The following GALNT17 variants were observed in gnomAD, a reference collection of about 807,000 sequenced individuals.
The protein encoded by GALNT17 is UDP-GalNAc:polypeptide N-acetylgalactosaminyltransferase-like 3.
A neutral mutation model predicts 63.7 loss-of-function variants in GALNT17; 29 were observed. That is an observed-to-expected ratio of 0.46 (90% confidence interval 0.34 to 0.62). GALNT17 has a LOEUF of 0.62. Among genes scored for constraint, GALNT17 ranks in the 20% least tolerant of loss-of-function variants. The pLI is 0.01. For missense variants in GALNT17, 603 were observed against 799.6 expected (o/e 0.75, Z 2.97); for synonymous variants, 305 against 318.3 (o/e 0.96, Z 0.45).
At chr7:71,143,806 A>G (rs966335584) in intron 1 of GALNT17, among the ~76,000 whole-genome samples, 1 of 151,818 alleles carries the variant, frequency 6.6e-6, no homozygotes, top group Non-Finnish European at 1.5e-5. Flanking sequence ...TCGTGAGGCT[A>G]AGGTGGGAGG....
At chr7:71,699,694 G>A (rs1166257241) in intron 9 of GALNT17, among the ~76,000 whole-genome samples, 1 of 152,142 alleles carries the variant, frequency 6.6e-6, no homozygotes. Context: ...AACACTTTGA[G>A]ATGCTGAAAT....
rs137863489 is a variant in GALNT17 at position 71,279,301 on chromosome 7, A to G, written c.239-56249A>G. 3.0e-3 allele frequency among the ~76,000 whole-genome samples: 456 copies of G among 152,148 alleles called. 1 individual carries two copies. The highest frequency in any genetic ancestry group is 5.2e-3 in the Non-Finnish European group (357 of 68,010). ...GAAGAAGTGTTGAGCAAAAGGGGGA[A>G]AACCTCTTATAAAAGCATCAGATCT... On this transcript the variant is annotated intron_variant, in intron 1 of 10. Transcript: ENST00000333538.
At chr7:71,337,416 C>T (rs560111534) in intron 2 of GALNT17, among the ~76,000 whole-genome samples, 6 of 152,164 alleles carry the variant, frequency 3.9e-5, no homozygotes, top group African/African-American at 9.6e-5. Context: ...ATTCTTGATA[C>T]GTATTATAAT....
chr7:71,556,955 T>C (rs1789173965), intron 5 of GALNT17, among the ~76,000 whole-genome samples: 1 of 151,706 alleles, frequency 6.6e-6, no homozygotes, highest in African/African-American at 2.4e-5. Flanking sequence ...CGGTTCTTTC[T>C]CTGTGGCCCA....
chr7:71,575,683 C>T (rs561529458), intron 6 of GALNT17, among the ~76,000 whole-genome samples: 37 of 152,144 alleles, frequency 2.4e-4, no homozygotes, highest in South Asian at 1.5e-3. Context: ...CCACCGTGCC[C>T]GGCCATTTTT....
chr7:71,394,380 C>A (rs866260762), intron 3 of GALNT17, among the ~76,000 whole-genome samples: 21 of 152,176 alleles, frequency 1.4e-4, no homozygotes, highest in Admixed American at 4.6e-4. Flanking sequence ...TATTAGGGAT[C>A]ACATTTCAAC....
At chr7:71,698,500 AGGGG>A (rs1791578330) in intron 9 of GALNT17, among the ~76,000 whole-genome samples, 1 of 152,170 alleles carries the variant, frequency 6.6e-6, no homozygotes, top group Non-Finnish European at 1.5e-5. Flanking sequence ...AATTTTATTG[AGGGG>A]AAGCAGATGT....
At chr7:71,613,993 A>G (rs1252221264) in intron 6 of GALNT17, among the ~76,000 whole-genome samples, 1 of 152,056 alleles carries the variant, frequency 6.6e-6, no homozygotes, top group African/African-American at 2.4e-5. Flanking sequence ...TGGAGAGTCA[A>G]GAACTCTGAT....
At chr7:71,233,085 T>G (rs968803748) in intron 1 of GALNT17, among the ~76,000 whole-genome samples, 2 of 152,176 alleles carry the variant, frequency 1.3e-5, no homozygotes, top group Non-Finnish European at 2.9e-5. Context: ...AAGGGCTTCT[T>G]CACCAACCCG....
At chr7:71,343,815 C>T (rs1792045370) in intron 2 of GALNT17, among the ~76,000 whole-genome samples, 1 of 151,874 alleles carries the variant, frequency 6.6e-6, no homozygotes, top group African/African-American at 2.4e-5. Context: ...ATAAATAACC[C>T]TTCTCTTTCT....
intron 1 of GALNT17, among the ~76,000 whole-genome samples, chr7:71,168,480 G>C (rs541124015): frequency 6.6e-6 from 1 of 152,152 alleles, no homozygotes; most frequent in East Asian, 1.9e-4. Flanking sequence ...GCTGAGGCAG[G>C]AGAATCTTTT....
chr7:71,376,043 C>A (rs1365131027), intron 2 of GALNT17, among the ~76,000 whole-genome samples: 2 of 151,170 alleles, frequency 1.3e-5, no homozygotes, highest in Non-Finnish European at 2.9e-5. Flanking sequence ...TGTGCCACTG[C>A]ACTCCAGCCT....
chr7:71,277,767 G>A (rs1336730836), intron 1 of GALNT17, among the ~76,000 whole-genome samples: 2 of 152,140 alleles, frequency 1.3e-5, no homozygotes, highest in Non-Finnish European at 2.9e-5. Flanking sequence ...TTCCTTTGGA[G>A]GAATAATGAT....
At chr7:71,279,749 T>A (rs1045147207) in intron 1 of GALNT17, among the ~76,000 whole-genome samples, 10 of 150,938 alleles carry the variant, frequency 6.6e-5, no homozygotes, top group African/African-American at 2.0e-4. Context: ...GATAGAGGCA[T>A]GCCCAGGCTG....
chr7:71,304,412 G>T lies in GALNT17; in HGVS notation c.239-31138G>T, dbSNP rs114502636. 4.6e-3 allele frequency among the ~76,000 whole-genome samples: 693 copies of T among 152,284 alleles called. 4 individuals carry two copies. Among genetic ancestry groups the T allele is most frequent in the African/African-American group, 0.016 (667 of 41,542 alleles). On this transcript the variant is annotated intron_variant, in intron 1 of 10. Coordinates refer to ENST00000333538, the MANE Select transcript of GALNT17 (RefSeq NM_022479.3). ...GTACAGATGTTGTCTCTTCCCCTTT[G>T]CCCCTTTGGGTAAATTACCGTATGA... is the stretch of plus-strand genomic sequence containing the variant.
At chr7:71,398,179 T>C (rs1372059968) in intron 3 of GALNT17, among the ~76,000 whole-genome samples, 4 of 152,270 alleles carry the variant, frequency 2.6e-5, no homozygotes, top group African/African-American at 4.8e-5. Flanking sequence ...TTTTTGGAAA[T>C]TTCTTGGAAT....
intron 1 of GALNT17, among the ~76,000 whole-genome samples, chr7:71,233,397 A>G (rs372413291): frequency 4.6e-5 from 7 of 152,170 alleles, no homozygotes; most frequent in East Asian, 1.9e-4. Context: ...GAAGGCTCCC[A>G]AGACAGTACC....
chr7:71,148,362 T>C (rs369878942), intron 1 of GALNT17, among the ~76,000 whole-genome samples: 68 of 152,330 alleles, frequency 4.5e-4, no homozygotes, highest in African/African-American at 1.6e-3. Flanking sequence ...TGGCCACATC[T>C]GCTCTTATTG....
rs139127292 is a variant in GALNT17 at position 71,677,806 on chromosome 7, T to C, written c.1500+500T>C. On this transcript the variant is annotated intron_variant, in intron 9 of 10. Coordinates refer to ENST00000333538, the MANE Select transcript of GALNT17 (RefSeq NM_022479.3). ...CTGGGATTACAGGCGTGAGCCACCGTGCCCGGCCAAGGCTCACAGGTTTTT... is the reference window on the plus strand; with the variant it reads ...CTGGGATTACAGGCGTGAGCCACCGCGCCCGGCCAAGGCTCACAGGTTTTT... 1.7e-3 allele frequency among the ~76,000 whole-genome samples: 252 copies of C among 152,202 alleles called. 2 individuals carry two copies. The highest frequency in any genetic ancestry group is 5.4e-3 in the African/African-American group (225 of 41,546).
Sources: gnomAD v4.1 joint callset for allele counts (sites outside exome capture counted in the v4.1 genomes callset) on GRCh38, gnomAD v4.1.1 for gene constraint, MANE v1.5 for transcripts, NCBI Gene and HGNC (gene_info 2026-07-23, HGNC 2026-07-21) for gene names.